UBE3D: variants seen among roughly 807,000 people sequenced by gnomAD.
UBE3D encodes ubiquitin protein ligase E3D.
Under a neutral mutation model 49.6 loss-of-function variants are expected in UBE3D, and 48 were observed. The ratio of observed to expected loss-of-function variants is 0.97; its 90% confidence interval spans 0.77 to 1.23. The LOEUF is 1.23. Ranked by LOEUF, UBE3D falls within the 50% of genes most tolerant of loss-of-function variation. UBE3D has a pLI of 0.00. For synonymous variants in UBE3D, 189 were observed against 174.2 expected (o/e 1.08, Z -0.67); for missense variants, 452 against 468.4 (o/e 0.96, Z 0.32).
In UBE3D at chr6:83,039,628, G is replaced by GT. The variant is rs1038743384; in HGVS notation, c.598-1144dup. Among the ~76,000 whole-genome samples, 90 of 147,632 alleles carry GT rather than the reference G, an allele frequency of 6.1e-4. 1 individual carries two copies. The highest frequency in any genetic ancestry group is 1.0e-3 in the Non-Finnish European group (68 of 67,452). Reference sequence around the variant, plus strand: ...CCAATTCAGTGGATTACTGTGTTTTGTTTTTTTTTGTTTTGTTTTATTTTG... The same window carrying GT: ...CCAATTCAGTGGATTACTGTGTTTTGTTTTTTTTTTGTTTTGTTTTATTTTG... On this transcript the variant is annotated intron_variant, in intron 4 of 9. Coordinates refer to ENST00000369747, the MANE Select transcript of UBE3D (RefSeq NM_198920.3).
chr6:83,025,836 T>TGTTG (rs775440706), intron 5 of UBE3D, among the ~76,000 whole-genome samples: 2 of 136,774 alleles, frequency 1.5e-5, no homozygotes, highest in Non-Finnish European at 3.0e-5. Flanking sequence ...TGAGCCGAGA[T>TGTTG]CGTGCCACTG....
chr6:82,978,240 T>C (rs777094323), intron 8 of UBE3D, among the ~76,000 whole-genome samples: 1 of 152,144 alleles, frequency 6.6e-6, no homozygotes, highest in Non-Finnish European at 1.5e-5. Flanking sequence ...TAATAAGTCA[T>C]GTCAAAGCCT....
At chr6:82,999,463 C>A (rs1779471566) in intron 8 of UBE3D, among the ~76,000 whole-genome samples, 1 of 152,162 alleles carries the variant, frequency 6.6e-6, no homozygotes, top group South Asian at 2.1e-4. Context: ...AGGCTCATGG[C>A]AACCTCTGCC....
At chr6:82,967,806 T>A (rs544242235) in intron 8 of UBE3D, among the ~76,000 whole-genome samples, 8 of 151,552 alleles carry the variant, frequency 5.3e-5, no homozygotes, top group African/African-American at 1.7e-4. Flanking sequence ...TACACCAGGC[T>A]AAGTTTAAAA....
chr6:83,038,393 G>A, intron 5 of UBE3D, 23 bp downstream of exon 5: 3 of 1,596,156 alleles, frequency 1.9e-6, no homozygotes, highest in Non-Finnish European at 2.6e-6. Context: ...AATCATTTTG[G>A]CTTCTTGTTA....
At chr6:83,027,605 T>C (rs1031946981) in intron 5 of UBE3D, among the ~76,000 whole-genome samples, 6 of 152,174 alleles carry the variant, frequency 3.9e-5, no homozygotes, top group Admixed American at 2.0e-4. Context: ...ATTGGCAATA[T>C]TGTTCTACCG....
chr6:83,056,645 C>CA (rs1303619808), intron 2 of UBE3D, among the ~76,000 whole-genome samples: 3 of 152,158 alleles, frequency 2.0e-5, no homozygotes, highest in African/African-American at 7.2e-5. Flanking sequence ...AGGACTTGAG[C>CA]AAAAATTGCT....
chr6:82,929,268 T>G (rs1364872737), intron 9 of UBE3D, among the ~76,000 whole-genome samples: 1 of 152,166 alleles, frequency 6.6e-6, no homozygotes, highest in African/African-American at 2.4e-5. Flanking sequence ...AGATCAACAC[T>G]GACCTATAAT....
intron 9 of UBE3D, among the ~76,000 whole-genome samples, chr6:82,900,952 C>T (rs1403717612): frequency 6.6e-6 from 1 of 152,122 alleles, no homozygotes; most frequent in Non-Finnish European, 1.5e-5. Flanking sequence ...GAAGTCAAGA[C>T]TTATATTGCC....
intron 3 of UBE3D, among the ~76,000 whole-genome samples, chr6:83,045,582 G>A (rs980308897): frequency 3.3e-5 from 5 of 151,924 alleles, no homozygotes; most frequent in Non-Finnish European, 5.9e-5. Context: ...TTTGGTTTAC[G>A]TGTCTTAATG....
At chr6:83,010,670 A>G (rs1333674742) in intron 8 of UBE3D, among the ~76,000 whole-genome samples, 2 of 152,224 alleles carry the variant, frequency 1.3e-5, no homozygotes, top group Non-Finnish European at 2.9e-5. Flanking sequence ...GCTGAGGAGC[A>G]AGGAAGCTAG....
chr6:83,056,122 ATAGTT>A (rs1783800524), intron 2 of UBE3D, among the ~76,000 whole-genome samples: 1 of 152,256 alleles, frequency 6.6e-6, no homozygotes, highest in Admixed American at 6.5e-5. Flanking sequence ...ATTTTGTCCT[ATAGTT>A]TAAACAATGT....
intron 9 of UBE3D, among the ~76,000 whole-genome samples, chr6:82,942,326 T>C (rs1024607508): frequency 6.6e-6 from 1 of 152,118 alleles, no homozygotes; most frequent in Admixed American, 6.5e-5. Flanking sequence ...AAGCAGAGCA[T>C]AAAAGATTGG....
At chr6:83,018,616 G>A in intron 8 of UBE3D, 1 of 202,790 alleles carries the variant, frequency 4.9e-6, no homozygotes, top group Non-Finnish European at 9.8e-6. Context: ...GAACAACAAT[G>A]CTAAGAGGTA....
chr6:83,039,737 C>T (rs1414519228), intron 4 of UBE3D, among the ~76,000 whole-genome samples: 1 of 152,196 alleles, frequency 6.6e-6, no homozygotes, highest in African/African-American at 2.4e-5. Context: ...CTCCGCCTCC[C>T]GGGTTTAAGC....
chr6:83,047,660 G>A (rs1783157850), intron 3 of UBE3D, among the ~76,000 whole-genome samples: 1 of 152,130 alleles, frequency 6.6e-6, no homozygotes, highest in South Asian at 2.1e-4. Flanking sequence ...CACATGTTTA[G>A]TTAACTTAAA....
chr6:83,017,997 AGGAAGT>A (rs1305805771), intron 8 of UBE3D: 2 of 152,180 alleles, frequency 1.3e-5, no homozygotes, highest in Non-Finnish European at 2.9e-5. Context: ...TGAACAGAAA[AGGAAGT>A]GGAAGAGTAG....
chr6:82,890,752 T>C (rs962750252), downstream of UBE3D, among the ~76,000 whole-genome samples: 43 of 152,294 alleles, frequency 2.8e-4, no homozygotes, highest in African/African-American at 9.6e-4. Context: ...CTCGATTTTA[T>C]TAGGGAGGCA....
At chr6:82,899,641 T>C (rs1771584568) in intron 9 of UBE3D, among the ~76,000 whole-genome samples, 1 of 152,192 alleles carries the variant, frequency 6.6e-6, no homozygotes, top group South Asian at 2.1e-4. Flanking sequence ...CATCTCTAGA[T>C]GGGGCTGAAA....
Sources: gnomAD v4.1 joint callset for allele counts (sites outside exome capture counted in the v4.1 genomes callset) on GRCh38, gnomAD v4.1.1 for gene constraint, MANE v1.5 for transcripts, NCBI Gene and HGNC (gene_info 2026-07-23, HGNC 2026-07-21) for gene names.